The following MRO variants were observed in gnomAD, a reference collection of about 807,000 sequenced individuals.
The protein encoded by MRO is maestro.
MRO carries 28 observed loss-of-function variants against 31.0 expected under a neutral mutation model. That is an observed-to-expected ratio of 0.90 (90% CI 0.67 to 1.24). The LOEUF is 1.24. Among genes scored for constraint, MRO ranks in the 50% most tolerant of loss-of-function variants. The probability of loss-of-function intolerance (pLI) is 0.00; values close to 1 mark genes in which losing one functional copy is unlikely to be tolerated. For synonymous variants in MRO, 108 were observed against 108.4 expected (o/e 1.00, Z 0.02); for missense variants, 332 against 289.2 (o/e 1.15, Z -1.07).
chr18:50,823,816 G>A (rs1026396916), upstream of MRO: 8 of 205,672 alleles, frequency 3.9e-5, no homozygotes, highest in African/African-American at 1.6e-4. Flanking sequence ...CTGGACACAG[G>A]ATTGGTGGCC....
intron 6 of MRO, among the ~76,000 whole-genome samples, chr18:50,800,895 A>AG (rs573624139): frequency 7.4e-4 from 112 of 151,956 alleles, no homozygotes; most frequent in African/African-American, 2.5e-3. Flanking sequence ...AAAAAAAAAA[A>AG]AAAGAAAGAA....
chr18:50,805,602 G>A (rs60564463), intron 4 of MRO, among the ~76,000 whole-genome samples: 1,876 of 152,230 alleles, frequency 0.012, 43 homozygotes, highest in African/African-American at 0.043. Flanking sequence ...TTCAAATAGG[G>A]CAGCAGACCT....
upstream of MRO, chr18:50,820,098 A>C: frequency 1.0e-5 from 8 of 802,250 alleles, no homozygotes; most frequent in Non-Finnish European, 1.6e-5. Flanking sequence ...GCATGACTCA[A>C]TGGACGGGTT....
intron 2 of MRO, among the ~76,000 whole-genome samples, chr18:50,812,112 T>C (rs1296584058): frequency 6.6e-6 from 1 of 152,194 alleles, no homozygotes; most frequent in Non-Finnish European, 1.5e-5. Flanking sequence ...TACACCATTT[T>C]ACATACCCAC....
At chr18:50,806,462 G>C (rs1318318941) in intron 4 of MRO, among the ~76,000 whole-genome samples, 2 of 152,210 alleles carry the variant, frequency 1.3e-5, no homozygotes, top group Non-Finnish European at 2.9e-5. Context: ...TCTGGCAGAC[G>C]CTTGATTGCA....
chr18:50,804,806 TA>T (rs1283112627), intron 5 of MRO, among the ~76,000 whole-genome samples: 1 of 152,084 alleles, frequency 6.6e-6, no homozygotes, highest in Non-Finnish European at 1.5e-5. Context: ...TTTCTTTTTT[TA>T]TTTGAGAGGG....
rs3813089 is a variant in MRO, at chr18:50,819,654, G to T, written c.-78C>A. Reference sequence around the variant, plus strand: ...TGACTCGGGAGGGCTGCTTTCCCGGGTAGTAGCCAAATGTGATGACTCGGC... The same window carrying T: ...TGACTCGGGAGGGCTGCTTTCCCGGTTAGTAGCCAAATGTGATGACTCGGC... On this transcript the variant is annotated 5_prime_UTR_variant, in exon 2 of 8. Coordinates refer to ENST00000398439, the MANE Select transcript of MRO (RefSeq NM_031939.6). The T allele has an allele frequency of 0.21, 328,940 of 1,551,146 alleles. 36,085 individuals carry two copies. Among genetic ancestry groups the T allele is most frequent in the Non-Finnish European group, 0.23 (263,066 of 1,146,766 alleles).
rs530740167 is a variant in MRO, at chr18:50,795,151, T to G, written c.*4186A>C. Reference sequence around the variant, plus strand: ...GATAATCAATCATAAGTCATTTTATTTGTTATCAAGTTATATTATCAACAG... The same window carrying G: ...GATAATCAATCATAAGTCATTTTATGTGTTATCAAGTTATATTATCAACAG... On this transcript the variant is annotated 3_prime_UTR_variant, in exon 8 of 8. Transcript: ENST00000398439. The G allele has an allele frequency of 2.0e-5, 3 of 152,338 alleles. No individual in the cohort carries two copies. In the East Asian group the frequency reaches 5.8e-4, roughly 29 times the overall value. The allele number at this position is 152,338 out of a possible 1,614,324, so 9.4% of individuals were successfully genotyped here. A position where few individuals can be genotyped will look rare whatever the true frequency, so the allele number is the denominator to read the frequency against.
upstream of MRO, chr18:50,820,049 C>G (rs1915245126): frequency 8.2e-7 from 1 of 1,216,926 alleles, no homozygotes; most frequent in African/African-American, 1.5e-5. Context: ...ACAAAACCTC[C>G]CTGCCAAGGC....
At chr18:50,803,368 A>AG (rs1568126749) in intron 5 of MRO, among the ~76,000 whole-genome samples, 2 of 151,690 alleles carry the variant, frequency 1.3e-5, no homozygotes, top group Admixed American at 1.3e-4. Flanking sequence ...TTAGCCAGGC[A>AG]CAGTGGCATG....
chr18:50,824,758 C>T (rs1165926541), upstream of MRO, among the ~76,000 whole-genome samples: 1 of 146,184 alleles, frequency 6.8e-6, no homozygotes, highest in East Asian at 2.1e-4. Flanking sequence ...TCAGCCAAGA[C>T]ACTGTCTTTT....
At chr18:50,823,344 G>A (rs1915379554), upstream of MRO, among the ~76,000 whole-genome samples, 1 of 152,190 alleles carries the variant, frequency 6.6e-6, no homozygotes, top group Non-Finnish European at 1.5e-5. Flanking sequence ...GAAGCACTGG[G>A]GTTTATCCCT....
In MRO at chr18:50,819,373, A is replaced by G. The variant is rs80298609; in HGVS notation, c.-5+208T>C. ...ATAACCCAACTATTGATCGATTAAC[A>G]TAGTTTGTGAAAAGCAAACAAAATC... is the stretch of plus-strand genomic sequence containing the variant. On this transcript the variant is annotated intron_variant, in intron 2 of 7. Transcript: ENST00000398439. 1.7e-3 allele frequency: 1,613 copies of G among 924,878 alleles called. 27 individuals carry two copies. In the African/African-American group the frequency reaches 0.027, roughly 16 times the overall value. 57.3% of individuals were successfully genotyped at this position (924,878 alleles called of 1,614,324 possible). A position where few individuals can be genotyped will look rare whatever the true frequency, so the allele number is the denominator to read the frequency against.
Position 50,806,863 on chromosome 18 carries a change from T to G in MRO, c.100-13A>C, listed in dbSNP as rs761529204. On this transcript the variant is annotated splice_polypyrimidine_tract_variant and intron_variant, in intron 3 of 7. Transcript: ENST00000398439. Reference sequence around the variant, plus strand: ...GTTTCCAAGAGACCTGGGTGATGGGTCAAAAATGTATTAATTTGGGAGTGT... The same window carrying G: ...GTTTCCAAGAGACCTGGGTGATGGGGCAAAAATGTATTAATTTGGGAGTGT... 1.2e-6 allele frequency: 2 copies of G among 1,613,510 alleles called. No individual in the cohort carries two copies. The highest frequency in any genetic ancestry group is 2.2e-5 in the South Asian group (2 of 91,048).
chr18:50,816,871 G>A (rs991300161), intron 2 of MRO, among the ~76,000 whole-genome samples: 2 of 152,188 alleles, frequency 1.3e-5, no homozygotes, highest in African/African-American at 4.8e-5. Context: ...TGGTATCTCT[G>A]TTCCAAGGCA....
In MRO at chr18:50,798,206, G is replaced by A. The variant is rs910061525; in HGVS notation, c.*1131C>T. The A allele has an allele frequency of 6.6e-6, 1 of 152,118 alleles. No individual in the cohort carries two copies. The highest frequency in any genetic ancestry group is 2.4e-5 in the African/African-American group (1 of 41,440). 9.4% of individuals were successfully genotyped at this position (152,118 alleles called of 1,614,324 possible). A position where few individuals can be genotyped will look rare whatever the true frequency, so the allele number is the denominator to read the frequency against. ...TAGAGATTTTTCTTGTAATTTTTAC[G>A]AGTGATGTGACTCCTTGGATAACTA... On this transcript the variant is annotated 3_prime_UTR_variant, in exon 8 of 8. Coordinates refer to ENST00000398439, the MANE Select transcript of MRO (RefSeq NM_031939.6).
chr18:50,824,780 C>CA (rs1214268733), upstream of MRO, among the ~76,000 whole-genome samples: 602 of 105,504 alleles, frequency 5.7e-3, 2 homozygotes, highest in African/African-American at 8.4e-3. Context: ...AAAAAAAGTT[C>CA]AAAAAAAAAA....
chr18:50,806,963 C>G (rs1914008201), intron 3 of MRO, 113 bp from the exon 4 acceptor site: 1 of 1,042,428 alleles, frequency 9.6e-7, no homozygotes, highest in Non-Finnish European at 1.4e-6. Context: ...AATTTTACCC[C>G]TTCTTTCTCC....
chr18:50,805,032 C>G (rs1161368794), intron 5 of MRO, 122 bp downstream of exon 5: 1 of 633,470 alleles, frequency 1.6e-6, no homozygotes. Flanking sequence ...CCTCGTGATC[C>G]CACCCGCCTC....
Sources: allele counts gnomAD v4.1 joint callset (sites outside exome capture counted in the v4.1 genomes callset), GRCh38; gene constraint gnomAD v4.1.1; transcripts MANE v1.5; gene names NCBI Gene and HGNC (gene_info 2026-07-23, HGNC 2026-07-21).